Variants in MYO1D observed in about 807,000 individuals in gnomAD.
MYO1D encodes the protein myosin ID.
In MYO1D, 83 loss-of-function variants were observed where a neutral mutation model predicts 122.0. The observed-to-expected ratio is 0.68, with a 90% confidence interval of 0.57 to 0.82. The LOEUF is 0.82. Ranked by LOEUF, MYO1D falls within the 40% of genes least tolerant of loss-of-function variation. MYO1D has a pLI of 0.00. For missense variants in MYO1D, 1,157 were observed against 1,269.5 expected, an observed-to-expected ratio of 0.91 and a Z score of 1.35; for synonymous variants, 464 against 446.9, an observed-to-expected ratio of 1.04 and a Z score of -0.48.
At chr17:32,808,956 T>C (rs1232506398) in intron 1 of MYO1D, among the ~76,000 whole-genome samples, 1 of 152,162 alleles carries the variant, frequency 6.6e-6, no homozygotes, top group Non-Finnish European at 1.5e-5. Flanking sequence ...TGCCTTTAGG[T>C]ATAGCCATAC....
At chr17:32,699,373 C>T (rs906418246) in intron 16 of MYO1D, among the ~76,000 whole-genome samples, 3 of 152,132 alleles carry the variant, frequency 2.0e-5, no homozygotes, top group Non-Finnish European at 2.9e-5. Context: ...AACAAAACTC[C>T]CAAATGACAG....
At chr17:32,600,904 C>T (rs1454493366) in intron 21 of MYO1D, among the ~76,000 whole-genome samples, 1 of 151,754 alleles carries the variant, frequency 6.6e-6, no homozygotes, top group Non-Finnish European at 1.5e-5. Flanking sequence ...TCTCAGCTTT[C>T]AACCTGCGTT....
intron 1 of MYO1D, among the ~76,000 whole-genome samples, chr17:32,823,230 T>C (rs1341099781): frequency 6.6e-6 from 1 of 152,102 alleles, no homozygotes; most frequent in African/African-American, 2.4e-5. Flanking sequence ...GTAACTATCA[T>C]ATGACCACAA....
chr17:32,666,737 A>G (rs1056321049), intron 16 of MYO1D, among the ~76,000 whole-genome samples: 1 of 152,130 alleles, frequency 6.6e-6, no homozygotes, highest in Non-Finnish European at 1.5e-5. Flanking sequence ...AATTCTAGTC[A>G]TTATGGGCAT....
At chr17:32,525,045 T>A (rs1204747811) in intron 21 of MYO1D, among the ~76,000 whole-genome samples, 2 of 152,220 alleles carry the variant, frequency 1.3e-5, no homozygotes, top group Non-Finnish European at 2.9e-5. Context: ...TCAACTGTAT[T>A]TGGATTATAG....
intron 3 of MYO1D, among the ~76,000 whole-genome samples, chr17:32,777,608 C>G (rs748490947): frequency 2.6e-5 from 4 of 152,142 alleles, no homozygotes; most frequent in Non-Finnish European, 5.9e-5. Context: ...TACTCATCTT[C>G]CCATGAGCAA....
At chr17:32,875,106 T>C (rs946793411) in intron 1 of MYO1D, among the ~76,000 whole-genome samples, 2 of 152,248 alleles carry the variant, frequency 1.3e-5, no homozygotes, top group African/African-American at 4.8e-5. Flanking sequence ...AGGCTTCATA[T>C]TCAACTGTTA....
At position 32,765,085 on chromosome 17, in the gene MYO1D, T is replaced by C; in HGVS notation, c.832-4A>G. The C allele has an allele frequency of 1.2e-6, 2 of 1,606,174 alleles. No individual in the cohort carries two copies. Among genetic ancestry groups the C allele is most frequent in the Non-Finnish European group, 1.7e-6 (2 of 1,173,852 alleles). ...CTACTACAAATTTTAAATTTCCCTG[T>C]ATCAAAAGTGAAAAAAATAACACAT... On this transcript the variant is annotated splice_polypyrimidine_tract_variant and splice_region_variant and intron_variant, in intron 7 of 21. Transcript: ENST00000318217.
intron 4 of MYO1D, among the ~76,000 whole-genome samples, chr17:32,774,692 G>GA (rs1046737012): frequency 8.4e-4 from 128 of 152,284 alleles, no homozygotes; most frequent in African/African-American, 3.0e-3. Context: ...GTGAACTGAT[G>GA]AAACATTCTG....
chr17:32,855,349 A>G (rs1201685444), intron 1 of MYO1D, among the ~76,000 whole-genome samples: 2 of 152,114 alleles, frequency 1.3e-5, no homozygotes, highest in Admixed American at 1.3e-4. Flanking sequence ...CTTCTCCAAA[A>G]ATAACTATTA....
At chr17:32,573,449 C>T (rs2087249239) in intron 21 of MYO1D, among the ~76,000 whole-genome samples, 2 of 151,996 alleles carry the variant, frequency 1.3e-5, no homozygotes, top group African/African-American at 4.8e-5. Context: ...TATTACCTTA[C>T]TTTGCTGGAA....
intron 16 of MYO1D, among the ~76,000 whole-genome samples, chr17:32,710,008 T>C (rs545478868): frequency 2.6e-4 from 40 of 152,284 alleles, no homozygotes; most frequent in Admixed American, 2.6e-4. Context: ...TGTAGAAATG[T>C]TAATCATTTC....
In MYO1D at chr17:32,539,818, T is replaced by A. The variant is rs181889886; in HGVS notation, c.2865-44903A>T. ...TGAACATCTCTTTGGGAATCATCAT[T>A]AGCCTGCCACACATGTATAAGCATT... is the stretch of plus-strand genomic sequence containing the variant. On this transcript the variant is annotated intron_variant, in intron 21 of 21. Coordinates refer to ENST00000318217, the MANE Select transcript of MYO1D (RefSeq NM_015194.3). Among the ~76,000 whole-genome samples, 569 of 152,306 alleles carry A rather than the reference T, an allele frequency of 3.7e-3. 2 individuals are homozygous for A. Among genetic ancestry groups the A allele is most frequent in the Middle Eastern group, 6.8e-3 (2 of 294 alleles).
intron 1 of MYO1D, among the ~76,000 whole-genome samples, chr17:32,807,761 T>A (rs2090530064): frequency 6.6e-6 from 1 of 151,958 alleles, no homozygotes. Context: ...GCCTGGAGAG[T>A]CCCCTGGATT....
chr17:32,852,207 C>A (rs1399268812), intron 1 of MYO1D, among the ~76,000 whole-genome samples: 1 of 152,160 alleles, frequency 6.6e-6, no homozygotes, highest in Non-Finnish European at 1.5e-5. Context: ...CTCACTGCAA[C>A]CTCTGCCTCC....
Position 32,776,057 on chromosome 17 carries a change from A to T in MYO1D, c.399-28T>A. On this transcript the variant is annotated intron_variant, in intron 3 of 21. Transcript: ENST00000318217. ...TTAACACAGATAAATGAAAGTCATT[A>T]TAAAAACTTATAGAGACTAGAATTT... The T allele has an allele frequency of 3.8e-6, 6 of 1,594,582 alleles. 1 individual carries two copies. The South Asian group carries it at 6.9e-5, about 18-fold the overall frequency.
intron 19 of MYO1D, among the ~76,000 whole-genome samples, chr17:32,649,218 C>T (rs2088348289): frequency 6.6e-6 from 1 of 152,202 alleles, no homozygotes; most frequent in Non-Finnish European, 1.5e-5. Flanking sequence ...CTATTTGGAT[C>T]ATTTTTAAGT....
intron 19 of MYO1D, among the ~76,000 whole-genome samples, chr17:32,639,046 A>G (rs774453421): frequency 6.6e-6 from 1 of 152,208 alleles, no homozygotes; most frequent in Non-Finnish European, 1.5e-5. Context: ...AAAACCACAG[A>G]AGAATTAAAG....
At chr17:32,705,750 G>T (rs1349283490) in intron 16 of MYO1D, among the ~76,000 whole-genome samples, 2 of 152,132 alleles carry the variant, frequency 1.3e-5, no homozygotes, top group Non-Finnish European at 2.9e-5. Flanking sequence ...ATCTTGAATT[G>T]TAGCTCCCAT....
Sources: allele counts gnomAD v4.1 joint callset (sites outside exome capture counted in the v4.1 genomes callset), GRCh38; gene constraint gnomAD v4.1.1; transcripts MANE v1.5; gene names NCBI Gene and HGNC (gene_info 2026-07-23, HGNC 2026-07-21).